DOCK2: variants seen among roughly 807,000 people sequenced by gnomAD.
DOCK2 encodes dedicator of cytokinesis 2.
DOCK2 carries 87 observed loss-of-function variants against 248.9 expected under a neutral mutation model. The ratio of observed to expected loss-of-function variants is 0.35; its 90% CI spans 0.29 to 0.42. The LOEUF is 0.42. Ranked by LOEUF, DOCK2 falls within the 10% of genes least tolerant of loss-of-function variation. The pLI is 1.00. For synonymous variants in DOCK2, 805 were observed against 821.6 expected (o/e 0.98, Z 0.35); for missense variants, 1,747 against 2,300.2 (o/e 0.76, Z 4.92).
intron 2 of DOCK2, among the ~76,000 whole-genome samples, chr5:169,668,334 A>T (rs1758847567): frequency 6.6e-6 from 1 of 152,060 alleles, no homozygotes; most frequent in African/African-American, 2.4e-5. Flanking sequence ...CTGTCACTCA[A>T]AAAGAAGCTA....
At chr5:169,950,536 G>A (rs562150093) in intron 27 of DOCK2, among the ~76,000 whole-genome samples, 2 of 152,188 alleles carry the variant, frequency 1.3e-5, no homozygotes, top group Non-Finnish European at 2.9e-5. Context: ...CTCTCTTGTA[G>A]CAAAGAAGTC....
At chr5:169,790,406 G>T (rs1425453770) in intron 25 of DOCK2, among the ~76,000 whole-genome samples, 1 of 152,150 alleles carries the variant, frequency 6.6e-6, no homozygotes, top group Non-Finnish European at 1.5e-5. Context: ...TTCAGAGAAC[G>T]CTTGCCTGAG....
At chr5:169,708,398 T>G in intron 15 of DOCK2, 131 bp downstream of exon 15, 1 of 937,178 alleles carries the variant, frequency 1.1e-6, no homozygotes, top group Non-Finnish European at 1.6e-6. Flanking sequence ...AATATTTCCT[T>G]CATTTTATAG....
At chr5:169,659,707 A>G (rs149168553) in intron 2 of DOCK2, among the ~76,000 whole-genome samples, 1 of 152,326 alleles carries the variant, frequency 6.6e-6, no homozygotes, top group Non-Finnish European at 1.5e-5. Context: ...TGCTGACTTC[A>G]TTGCCCATAT....
At chr5:169,760,112 A>G (rs1369208170) in intron 24 of DOCK2, among the ~76,000 whole-genome samples, 1 of 152,206 alleles carries the variant, frequency 6.6e-6, no homozygotes, top group Non-Finnish European at 1.5e-5. Context: ...TGTAGACCCC[A>G]CAGTTGCAAA....
At chr5:170,055,416 A>C (rs1561900707) in intron 42 of DOCK2, 30 bp downstream of exon 42, 1 of 1,609,202 alleles carries the variant, frequency 6.2e-7, no homozygotes, top group East Asian at 2.2e-5. Flanking sequence ...GGGAAGAAGG[A>C]TGGGGAAGAG....
chr5:169,681,236 G>C (rs1420301823), intron 6 of DOCK2, among the ~76,000 whole-genome samples: 4 of 145,160 alleles, frequency 2.8e-5, no homozygotes. Context: ...AAATTCTCCT[G>C]TCTCAGCCTC....
chr5:169,862,863 G>A (rs1227304995), intron 27 of DOCK2, among the ~76,000 whole-genome samples: 1 of 152,180 alleles, frequency 6.6e-6, no homozygotes, highest in African/African-American at 2.4e-5. Flanking sequence ...TCTGTGCTCT[G>A]CAAAGATTCT....
intron 30 of DOCK2, chr5:170,000,290 G>A (rs1167846515): frequency 1.3e-5 from 2 of 152,142 alleles, no homozygotes; most frequent in Non-Finnish European, 2.9e-5. Context: ...TAACTTTATT[G>A]GGCATCTACT....
intron 22 of DOCK2, among the ~76,000 whole-genome samples, chr5:169,741,325 C>A (rs1763291085): frequency 6.7e-6 from 1 of 148,992 alleles, no homozygotes; most frequent in African/African-American, 2.5e-5. Context: ...TTAAATGTGC[C>A]TGCCTAGTGC....
intron 43 of DOCK2, 37 bp downstream of exon 43, chr5:170,056,805 C>T: frequency 6.3e-7 from 1 of 1,578,830 alleles, no homozygotes; most frequent in Non-Finnish European, 8.7e-7. Flanking sequence ...TTCCCTGGAG[C>T]CACCTGGAGG....
intron 33 of DOCK2, among the ~76,000 whole-genome samples, chr5:170,024,219 T>C (rs949545655): frequency 2.0e-5 from 3 of 152,166 alleles, no homozygotes; most frequent in Non-Finnish European, 4.4e-5. Context: ...GAGTCAATGA[T>C]GTGATGCAGT....
intron 32 of DOCK2, among the ~76,000 whole-genome samples, chr5:170,012,991 G>A (rs979352035): frequency 6.6e-6 from 1 of 152,076 alleles, no homozygotes; most frequent in African/African-American, 2.4e-5. Context: ...CCAGGGAGTG[G>A]AGCTATCTAG....
chr5:169,662,073 C>T, intron 2 of DOCK2, among the ~76,000 whole-genome samples: 1 of 152,206 alleles, frequency 6.6e-6, no homozygotes. Context: ...TCTACATTCT[C>T]ACCAACAGTG....
intron 27 of DOCK2, among the ~76,000 whole-genome samples, chr5:169,843,494 C>A (rs1374088846): frequency 6.6e-6 from 1 of 152,092 alleles, no homozygotes; most frequent in African/African-American, 2.4e-5. Flanking sequence ...TGCACTCCAG[C>A]CTGGGTGATA....
At chr5:169,754,232 T>A (rs143663603) in intron 23 of DOCK2, among the ~76,000 whole-genome samples, 126 of 152,312 alleles carry the variant, frequency 8.3e-4, no homozygotes, top group African/African-American at 2.9e-3. Flanking sequence ...TTTTTGTTGT[T>A]ATGTTTAAAC....
At chr5:169,881,200 T>A (rs575608822) in intron 27 of DOCK2, among the ~76,000 whole-genome samples, 9 of 152,290 alleles carry the variant, frequency 5.9e-5, no homozygotes, top group Admixed American at 4.6e-4. Context: ...TAGACTTTGT[T>A]CTAAGGAAAC....
At chr5:169,981,635 T>A (rs186193853) in intron 27 of DOCK2, among the ~76,000 whole-genome samples, 1 of 152,306 alleles carries the variant, frequency 6.6e-6, no homozygotes, top group Admixed American at 6.5e-5. Flanking sequence ...TGTCTTTTTT[T>A]AAGAAATTGC....
chr5:169,771,365 C>A (rs1581166227), intron 25 of DOCK2, among the ~76,000 whole-genome samples: 1 of 152,182 alleles, frequency 6.6e-6, no homozygotes, highest in Non-Finnish European at 1.5e-5. Context: ...CTCACTGCAA[C>A]CTCTGCCTCC....
Sources: gnomAD v4.1 joint callset for allele counts (sites outside exome capture counted in the v4.1 genomes callset) on GRCh38, gnomAD v4.1.1 for gene constraint, MANE v1.5 for transcripts, NCBI Gene and HGNC (gene_info 2026-07-23, HGNC 2026-07-21) for gene names.